CERS6: variants seen among roughly 807,000 people sequenced by gnomAD.
CERS6 encodes the protein ceramide synthase 6.
CERS6 carries 26 observed loss-of-function variants against 56.8 expected under a neutral mutation model. That is an observed-to-expected ratio of 0.46 (90% CI 0.34 to 0.63). The LOEUF (loss-of-function observed/expected upper bound fraction) is 0.63, where lower values mean the gene tolerates loss of function less well. Ranked by LOEUF, CERS6 falls within the 30% of genes least tolerant of loss-of-function variation. The pLI is 0.01. For synonymous variants in CERS6, 164 were observed against 173.3 expected, an observed-to-expected ratio of 0.95 and a Z score of 0.42; for missense variants, 415 against 467.5, an observed-to-expected ratio of 0.89 and a Z score of 1.04.
chr2:168,521,091 T>C (rs1694970226), intron 1 of CERS6, among the ~76,000 whole-genome samples: 1 of 152,214 alleles, frequency 6.6e-6, no homozygotes, highest in Non-Finnish European at 1.5e-5. Flanking sequence ...TTTGGTAGAA[T>C]TGGTTTAATG....
At position 168,676,288 on chromosome 2, in the gene CERS6, A is replaced by G. The variant is rs551491550; in HGVS notation, c.466-14746A>G. Among the ~76,000 whole-genome samples, 5 of 152,280 alleles carry G rather than the reference A, an allele frequency of 3.3e-5. No individual in the cohort carries two copies. In the East Asian group the frequency reaches 5.8e-4, roughly 18 times the overall value. On this transcript the variant is annotated intron_variant, in intron 4 of 9. Coordinates refer to ENST00000305747, the MANE Select transcript of CERS6 (RefSeq NM_203463.3). ...TTATACACAGTTAATGTTAACATCT[A>G]TTAATCTCTTCCTTTGAATGGCTGT...
chr2:168,753,507 C>G (rs897421146), intron 8 of CERS6, among the ~76,000 whole-genome samples: 4 of 152,078 alleles, frequency 2.6e-5, no homozygotes, highest in African/African-American at 7.2e-5. Context: ...TTCTTTTCCC[C>G]CTTGATTTTG....
At chr2:168,754,644 A>G (rs1464356257) in intron 8 of CERS6, among the ~76,000 whole-genome samples, 1 of 152,202 alleles carries the variant, frequency 6.6e-6, no homozygotes, top group African/African-American at 2.4e-5. Flanking sequence ...AACCTTCTCA[A>G]GAGATTTTTA....
intron 1 of CERS6, among the ~76,000 whole-genome samples, chr2:168,460,691 G>T (rs1295228066): frequency 6.6e-6 from 1 of 152,206 alleles, no homozygotes; most frequent in Non-Finnish European, 1.5e-5. Flanking sequence ...CTTTTAGGTA[G>T]AACCCAGAGT....
At chr2:168,635,652 T>TA (rs1684845638) in intron 4 of CERS6, among the ~76,000 whole-genome samples, 1 of 152,188 alleles carries the variant, frequency 6.6e-6, no homozygotes, top group Admixed American at 6.5e-5. Flanking sequence ...AATCTTATTA[T>TA]AACCTATTTT....
In CERS6 at chr2:168,509,995, G is replaced by A. The variant is rs147393745; in HGVS notation, c.171-37601G>A. On this transcript the variant is annotated intron_variant, in intron 1 of 9. Transcript: ENST00000305747. ...CTCTTTATTTCCTTATGTATAAAAA[G>A]CAGGTAACAATAACATGCCCAAAAA... is the stretch of plus-strand genomic sequence containing the variant. Among the ~76,000 whole-genome samples, 464 of 151,752 alleles carry A rather than the reference G, an allele frequency of 3.1e-3. 1 individual carries two copies. Among genetic ancestry groups the A allele is most frequent in the Middle Eastern group, 0.01 (3 of 294 alleles).
At chr2:168,722,054 A>C (rs182400449) in intron 8 of CERS6, among the ~76,000 whole-genome samples, 1 of 152,172 alleles carries the variant, frequency 6.6e-6, no homozygotes, top group Non-Finnish European at 1.5e-5. Context: ...ATTAAATGGT[A>C]TCTTATTGTA....
chr2:168,678,010 G>A (rs1438013885), intron 4 of CERS6, among the ~76,000 whole-genome samples: 1 of 152,212 alleles, frequency 6.6e-6, no homozygotes, highest in Non-Finnish European at 1.5e-5. Context: ...TCTCATGCCA[G>A]TTAGAATGGC....
intron 3 of CERS6, among the ~76,000 whole-genome samples, chr2:168,570,735 G>C (rs1227575779): frequency 6.6e-6 from 1 of 152,156 alleles, no homozygotes; most frequent in Non-Finnish European, 1.5e-5. Context: ...TCTGGCTCAA[G>C]CTCTGTTACC....
chr2:168,619,593 C>G (rs1400261701), intron 3 of CERS6, among the ~76,000 whole-genome samples: 2 of 151,980 alleles, frequency 1.3e-5, no homozygotes, highest in African/African-American at 4.8e-5. Flanking sequence ...AAATGGCCAA[C>G]AAACAGGAAA....
At chr2:168,501,113 C>G (rs1291619875) in intron 1 of CERS6, among the ~76,000 whole-genome samples, 1 of 152,178 alleles carries the variant, frequency 6.6e-6, no homozygotes, top group Non-Finnish European at 1.5e-5. Flanking sequence ...ACACGCCTGG[C>G]CAGAGTCTTA....
At chr2:168,698,543 G>A (rs1355515116) in intron 6 of CERS6, among the ~76,000 whole-genome samples, 1 of 152,090 alleles carries the variant, frequency 6.6e-6, no homozygotes, top group Non-Finnish European at 1.5e-5. Context: ...AGCACCAATG[G>A]GGGATGGTGT....
At chr2:168,561,950 C>T (rs975736895) in intron 3 of CERS6, among the ~76,000 whole-genome samples, 5 of 152,138 alleles carry the variant, frequency 3.3e-5, no homozygotes, top group African/African-American at 1.2e-4. Flanking sequence ...AGTGATACTT[C>T]ATGCACTTAC....
intron 1 of CERS6, among the ~76,000 whole-genome samples, chr2:168,531,857 G>A (rs1358724096): frequency 6.6e-6 from 1 of 151,576 alleles, no homozygotes. Context: ...CACCACAGAC[G>A]AGGGCACCTT....
chr2:168,733,204 G>A (rs957092723), intron 8 of CERS6, among the ~76,000 whole-genome samples: 2 of 152,142 alleles, frequency 1.3e-5, no homozygotes, highest in South Asian at 2.1e-4. Flanking sequence ...TTGCATTTAC[G>A]TGAAAACCCA....
intron 8 of CERS6, among the ~76,000 whole-genome samples, chr2:168,753,827 T>C (rs185383825): frequency 4.1e-4 from 63 of 152,348 alleles, no homozygotes; most frequent in Admixed American, 1.4e-3. Context: ...TAGAATTCCA[T>C]GCCAAATCAC....
intron 6 of CERS6, among the ~76,000 whole-genome samples, chr2:168,712,895 C>G (rs1360800220): frequency 5.9e-5 from 9 of 152,158 alleles, no homozygotes; most frequent in Admixed American, 2.0e-4. Context: ...GAAGCCTGCC[C>G]TGGTCTAGCC....
intron 8 of CERS6, among the ~76,000 whole-genome samples, chr2:168,763,239 TC>T (rs1182349476): frequency 1.1e-5 from 1 of 94,454 alleles, no homozygotes; most frequent in Non-Finnish European, 2.2e-5. Context: ...TCTCTCTCTC[TC>T]TTTTTTTTTT....
intron 7 of CERS6, 57 bp downstream of exon 7, chr2:168,715,186 A>G (rs1162579634): frequency 1.2e-5 from 18 of 1,506,492 alleles, no homozygotes; most frequent in South Asian, 7.2e-5. Context: ...GAAGTCCCCA[A>G]TCTCATTAGC....
Sources: allele counts gnomAD v4.1 joint callset (sites outside exome capture counted in the v4.1 genomes callset), GRCh38; gene constraint gnomAD v4.1.1; transcripts MANE v1.5; gene names NCBI Gene and HGNC (gene_info 2026-07-23, HGNC 2026-07-21).